ADAMTS6: variants seen among roughly 807,000 people sequenced by gnomAD.
The protein encoded by ADAMTS6 is ADAM metallopeptidase with thrombospondin type 1 motif 6.
In ADAMTS6, 23 loss-of-function variants were observed where a neutral mutation model predicts 144.3. That is an observed-to-expected ratio of 0.16 (90% confidence interval 0.11 to 0.23). The LOEUF (loss-of-function observed/expected upper bound fraction) is 0.23. Among genes scored for constraint, ADAMTS6 ranks in the 10% least tolerant of loss-of-function variants. The pLI is 1.00. For synonymous variants in ADAMTS6, 444 were observed against 457.5 expected (o/e 0.97, Z 0.38); for missense variants, 999 against 1,379.6 (o/e 0.72, Z 4.37).
intron 21 of ADAMTS6, among the ~76,000 whole-genome samples, chr5:65,195,127 T>C (rs1755251599): frequency 6.6e-6 from 1 of 152,172 alleles, no homozygotes; most frequent in African/African-American, 2.4e-5. Flanking sequence ...CGTAATAGAC[T>C]GAGACTCACA....
chr5:65,379,154 T>C (rs1222370538), intron 7 of ADAMTS6, among the ~76,000 whole-genome samples: 1 of 152,370 alleles, frequency 6.6e-6, no homozygotes, highest in East Asian at 1.9e-4. Context: ...GTTTTAGTCG[T>C]CATTTACAGC....
rs189039127 is a variant in ADAMTS6 at position 65,409,213 on chromosome 5, T to C, written c.1073+42262A>G. On this transcript the variant is annotated intron_variant, in intron 7 of 24. Transcript: ENST00000381055. ...TCAAAAAATCAATGAATTCAGGAGC[T>C]GGTTTTTTTAAAAGATCAACAAAAC... Among the ~76,000 whole-genome samples, 28 of 151,308 alleles carry C rather than the reference T, an allele frequency of 1.9e-4. 1 individual carries two copies. The highest frequency in any genetic ancestry group is 6.5e-4 in the Admixed American group (10 of 15,272).
At chr5:65,167,325 T>C (rs1366680318) in intron 24 of ADAMTS6, among the ~76,000 whole-genome samples, 7 of 152,100 alleles carry the variant, frequency 4.6e-5, no homozygotes, top group Admixed American at 3.3e-4. Context: ...CTCCCAAGAC[T>C]AAACCAGGAA....
chr5:65,368,691 T>A (rs1434932128), intron 7 of ADAMTS6, among the ~76,000 whole-genome samples: 1 of 152,114 alleles, frequency 6.6e-6, no homozygotes, highest in Admixed American at 6.5e-5. Context: ...GTCTGGAACA[T>A]CAATGTTATT....
rs545952462 is a variant in ADAMTS6 at position 65,321,882 on chromosome 5, A to G, written c.1223+7496T>C. ...AGGCATGTGCCACCATGCCTGGCTA[A>G]TTTTTGTATTTTTAGAAGAGACGGG... On this transcript the variant is annotated intron_variant, in intron 9 of 24. Transcript: ENST00000381055. Among the ~76,000 whole-genome samples, 5 of 151,234 alleles carry G rather than the reference A, an allele frequency of 3.3e-5. No homozygotes were observed. In the South Asian group the frequency reaches 1.0e-3, roughly 32 times the overall value.
chr5:65,205,201 G>C (rs1023895004), intron 20 of ADAMTS6, among the ~76,000 whole-genome samples: 2 of 151,238 alleles, frequency 1.3e-5, no homozygotes, highest in African/African-American at 2.4e-5. Flanking sequence ...AAGTTACAGT[G>C]AATGTGTCCT....
In ADAMTS6 at chr5:65,473,886, G is replaced by A. The variant is rs1030579957; in HGVS notation, c.-213C>T. ...CTCAATCCAAAATGAAAAAAATAAT[G>A]ATGGTAAAAGTTTTCATAAGCAAAG... On this transcript the variant is annotated 5_prime_UTR_variant, in exon 2 of 25. Transcript: ENST00000381055. 5.4e-5 allele frequency: 28 copies of A among 519,478 alleles called. No individual in the cohort carries two copies. The highest frequency in any genetic ancestry group is 9.6e-5 in the Non-Finnish European group (28 of 292,274). 32.2% of individuals were successfully genotyped at this position (519,478 alleles called of 1,614,324 possible).
At chr5:65,360,475 G>GTA (rs1366373306) in intron 7 of ADAMTS6, among the ~76,000 whole-genome samples, 2 of 151,824 alleles carry the variant, frequency 1.3e-5, no homozygotes, top group African/African-American at 2.4e-5. Context: ...CTGTCACAAT[G>GTA]TATATATATA....
Position 65,452,220 on chromosome 5 carries a change from A to G in ADAMTS6, c.844-4T>C. On this transcript the variant is annotated splice_region_variant and splice_polypyrimidine_tract_variant and intron_variant, in intron 5 of 24. Transcript: ENST00000381055. ...AATCACGGTAAAGTTTGGCAACCTGACCTCCAGAAAATAAGAAAAGACACA... is the reference window on the plus strand; with the variant it reads ...AATCACGGTAAAGTTTGGCAACCTGGCCTCCAGAAAATAAGAAAAGACACA... 1 of 1,611,336 alleles carries G rather than the reference A, an allele frequency of 6.2e-7. No homozygotes were observed. Among genetic ancestry groups the G allele is most frequent in the Non-Finnish European group, 8.5e-7 (1 of 1,178,600 alleles).
At chr5:65,334,350 A>AT in intron 7 of ADAMTS6, among the ~76,000 whole-genome samples, 1 of 152,360 alleles carries the variant, frequency 6.6e-6, no homozygotes, top group Middle Eastern at 3.4e-3. Flanking sequence ...CGCAAGTTCC[A>AT]TAAAACGATC....
chr5:65,345,877 C>T (rs939373685), intron 7 of ADAMTS6, among the ~76,000 whole-genome samples: 1 of 151,854 alleles, frequency 6.6e-6, no homozygotes, highest in Non-Finnish European at 1.5e-5. Context: ...TTATTCAAAT[C>T]TATCTTATAC....
chr5:65,337,295 AT>A (rs974484573), intron 7 of ADAMTS6, among the ~76,000 whole-genome samples: 1 of 152,152 alleles, frequency 6.6e-6, no homozygotes, highest in Non-Finnish European at 1.5e-5. Context: ...CATTTGAGAC[AT>A]TTTTTAAAAC....
rs142328141 is a variant in ADAMTS6, at chr5:65,253,761, C to T, written c.1830+6839G>A. 2.0e-5 allele frequency among the ~76,000 whole-genome samples: 3 copies of T among 148,640 alleles called. No homozygotes were observed. In the East Asian group the frequency reaches 5.9e-4, roughly 29 times the overall value. On this transcript the variant is annotated intron_variant, in intron 14 of 24. Coordinates refer to ENST00000381055, the MANE Select transcript of ADAMTS6 (RefSeq NM_197941.4). ...ATACCATACTGTTCCAATAGTAACA[C>T]CTATTCTTTGTTAACTGGAAAATAC...
chr5:65,170,057 AAAAC>A (rs1348377043), intron 24 of ADAMTS6, among the ~76,000 whole-genome samples: 1 of 152,200 alleles, frequency 6.6e-6, no homozygotes, highest in Non-Finnish European at 1.5e-5. Flanking sequence ...AACAAAAACA[AAAAC>A]AAAACAGAAA....
intron 20 of ADAMTS6, chr5:65,198,810 T>C (rs16893492): frequency 0.17 from 26,940 of 158,398 alleles, 2,508 homozygotes; most frequent in African/African-American, 0.24. Context: ...AGCCAAACAA[T>C]GAAGTTTATG....
At chr5:65,241,992 C>G (rs1019272385) in intron 15 of ADAMTS6, 112 bp downstream of exon 15, 3 of 614,832 alleles carry the variant, frequency 4.9e-6, no homozygotes, top group African/African-American at 1.9e-5. Flanking sequence ...TTGGCAAACA[C>G]TAATTTTAAC....
intron 7 of ADAMTS6, among the ~76,000 whole-genome samples, chr5:65,406,725 C>T (rs943756758): frequency 2.6e-5 from 4 of 152,046 alleles, no homozygotes; most frequent in African/African-American, 9.6e-5. Context: ...GGAATGGTAC[C>T]AGCTCCTCCT....
intron 7 of ADAMTS6, among the ~76,000 whole-genome samples, chr5:65,437,102 T>TA (rs1436323572): frequency 1.3e-5 from 2 of 151,092 alleles, no homozygotes; most frequent in Admixed American, 1.3e-4. Flanking sequence ...ACTCCCATTT[T>TA]TTTTTTTTTT....
At chr5:65,367,190 C>T (rs1750383367) in intron 7 of ADAMTS6, among the ~76,000 whole-genome samples, 1 of 152,136 alleles carries the variant, frequency 6.6e-6, no homozygotes, top group Non-Finnish European at 1.5e-5. Context: ...TCGGCATACA[C>T]AGGATGCTGT....
Sources: allele counts gnomAD v4.1 joint callset (sites outside exome capture counted in the v4.1 genomes callset), GRCh38; gene constraint gnomAD v4.1.1; transcripts MANE v1.5; gene names NCBI Gene and HGNC (gene_info 2026-07-23, HGNC 2026-07-21).